TMEM260: variants seen among roughly 807,000 people sequenced by gnomAD.
TMEM260 encodes transmembrane protein 260.
In TMEM260, 82 loss-of-function variants were observed where a neutral mutation model predicts 88.9. The ratio of observed to expected loss-of-function variants is 0.92; its 90% CI spans 0.77 to 1.11. The LOEUF (loss-of-function observed/expected upper bound fraction) is 1.11, where lower values mean the gene tolerates loss of function less well. Ranked by LOEUF, TMEM260 falls within the 50% of genes least tolerant of loss-of-function variation. The pLI, the probability that TMEM260 is intolerant of heterozygous loss-of-function variation, is 0.00. For missense variants in TMEM260, 902 were observed against 853.4 expected (o/e 1.06, Z -0.71); for synonymous variants, 314 against 309.3 (o/e 1.02, Z -0.16).
chr14:56,638,309 G>A (rs950807182), intron 15 of TMEM260: 6 of 151,186 alleles, frequency 4.0e-5, no homozygotes, highest in African/African-American at 1.5e-4. Flanking sequence ...TCCAGGCCTT[G>A]ATTTTTTTTC....
chr14:56,647,106 T>C (rs1409768811), intron 15 of TMEM260, 137 bp from the exon 16 acceptor site: 2 of 921,076 alleles, frequency 2.2e-6, no homozygotes, highest in African/African-American at 1.7e-5. Flanking sequence ...TCTGCATGGC[T>C]TAGCAATGAT....
chr14:56,662,566 A>G, the TMEM260 span, among the ~76,000 whole-genome samples: 1 of 152,216 alleles, frequency 6.6e-6, no homozygotes, highest in Non-Finnish European at 1.5e-5. Flanking sequence ...TGTGCCCACT[A>G]GAATCCACAC....
chr14:56,606,860 G>A (rs1229463468), intron 5 of TMEM260, among the ~76,000 whole-genome samples: 1 of 152,088 alleles, frequency 6.6e-6, no homozygotes, highest in East Asian at 1.9e-4. Context: ...GCGCCACTGC[G>A]CTCCAGCCTG....
chr14:56,644,542 A>G (rs1412257501), intron 15 of TMEM260, among the ~76,000 whole-genome samples: 1 of 152,240 alleles, frequency 6.6e-6, no homozygotes, highest in African/African-American at 2.4e-5. Flanking sequence ...ACCTAAAACC[A>G]TAAAAACCCT....
At chr14:56,631,714 G>C (rs1888617742) in intron 12 of TMEM260, among the ~76,000 whole-genome samples, 3 of 152,028 alleles carry the variant, frequency 2.0e-5, no homozygotes, top group African/African-American at 7.2e-5. Flanking sequence ...TTTGGCCCTA[G>C]AAGGTCATAC....
In TMEM260 at chr14:56,624,441, T is replaced by G. The variant is rs117363336; in HGVS notation, c.1399-941T>G. 9.6e-3 allele frequency among the ~76,000 whole-genome samples: 1,462 copies of G among 152,208 alleles called. 45 individuals are homozygous for G. The East Asian group carries it at 0.1, about 10-fold the overall frequency. On this transcript the variant is annotated intron_variant, in intron 11 of 15. Coordinates refer to ENST00000261556, the MANE Select transcript of TMEM260 (RefSeq NM_017799.4). ...ATACAAAAATTATTCTGGTGTAGTGTCATGTGCCTGCAATCTCAGCTACTT... is the reference window on the plus strand; with the variant it reads ...ATACAAAAATTATTCTGGTGTAGTGGCATGTGCCTGCAATCTCAGCTACTT...
intron 5 of TMEM260, 112 bp downstream of exon 5, chr14:56,605,795 C>A: frequency 3.2e-6 from 2 of 629,858 alleles, no homozygotes; most frequent in South Asian, 2.2e-5. Context: ...TCATGTAAAG[C>A]ATAAATAACC....
At chr14:56,645,415 T>G (rs1889895162) in intron 15 of TMEM260, among the ~76,000 whole-genome samples, 1 of 152,014 alleles carries the variant, frequency 6.6e-6, no homozygotes, top group Non-Finnish European at 1.5e-5. Context: ...GCACCACATG[T>G]TCTCACTCAT....
the TMEM260 span, among the ~76,000 whole-genome samples, chr14:56,661,435 T>C: frequency 2.0e-5 from 3 of 150,810 alleles, no homozygotes; most frequent in African/African-American, 7.3e-5. Context: ...TTTTGTACCA[T>C]GAGCAAGTGT....
At chr14:56,654,822 A>G (rs1331788264), downstream of TMEM260, among the ~76,000 whole-genome samples, 1 of 146,202 alleles carries the variant, frequency 6.8e-6, no homozygotes, top group African/African-American at 2.5e-5. Flanking sequence ...CTCAAAAAAA[A>G]AAAAAAAAAA....
intron 3 of TMEM260, among the ~76,000 whole-genome samples, chr14:56,589,944 CAA>C (rs1885747986): frequency 6.6e-6 from 1 of 152,126 alleles, no homozygotes; most frequent in African/African-American, 2.4e-5. Flanking sequence ...TTTTCCAGCT[CAA>C]AGAGTATTTT....
At chr14:56,597,862 G>A (rs1483041780) in intron 3 of TMEM260, among the ~76,000 whole-genome samples, 1 of 152,130 alleles carries the variant, frequency 6.6e-6, no homozygotes, top group Admixed American at 6.5e-5. Flanking sequence ...TCACTACCAG[G>A]TCTCTTAATT....
chr14:56,626,229 A>G (rs1444226833), intron 12 of TMEM260, among the ~76,000 whole-genome samples: 1 of 152,242 alleles, frequency 6.6e-6, no homozygotes, highest in Non-Finnish European at 1.5e-5. Flanking sequence ...TGCTAAGAAC[A>G]TAATAATGTG....
intron 3 of TMEM260, 101 bp downstream of exon 3, chr14:56,586,013 T>C (rs1885478302): frequency 1.7e-6 from 2 of 1,197,946 alleles, no homozygotes. Flanking sequence ...TTGCTTGGTT[T>C]CCCTAACACA....
intron 3 of TMEM260, among the ~76,000 whole-genome samples, chr14:56,591,545 C>T (rs775911700): frequency 7.9e-5 from 12 of 152,118 alleles, no homozygotes; most frequent in South Asian, 2.1e-4. Context: ...ATGCCTTGGC[C>T]GGTGCCTTTG....
chr14:56,636,004 G>A (rs1036561545), intron 14 of TMEM260, among the ~76,000 whole-genome samples: 1 of 152,066 alleles, frequency 6.6e-6, no homozygotes. Context: ...GATTGAATGT[G>A]GGAAAGCGGG....
intron 15 of TMEM260, among the ~76,000 whole-genome samples, chr14:56,645,405 G>T (rs1400286342): frequency 2.7e-5 from 4 of 150,500 alleles, no homozygotes; most frequent in Non-Finnish European, 5.9e-5. Flanking sequence ...AAAAAACCAA[G>T]CACCACATGT....
chr14:56,610,247 CTTTG>C (rs949492039), intron 6 of TMEM260, among the ~76,000 whole-genome samples: 9 of 150,224 alleles, frequency 6.0e-5, no homozygotes, highest in East Asian at 2.0e-4. Flanking sequence ...TTTTATTTTG[CTTTG>C]TTTGTTTGAG....
At chr14:56,636,919 C>A (rs1348939536) in intron 15 of TMEM260, among the ~76,000 whole-genome samples, 4 of 152,174 alleles carry the variant, frequency 2.6e-5, no homozygotes, top group Non-Finnish European at 1.5e-5. Flanking sequence ...GGGGGTTACC[C>A]CAGATTATCC....
Sources: gnomAD v4.1 joint callset for allele counts (sites outside exome capture counted in the v4.1 genomes callset) on GRCh38, gnomAD v4.1.1 for gene constraint, MANE v1.5 for transcripts, NCBI Gene and HGNC (gene_info 2026-07-23, HGNC 2026-07-21) for gene names.